The following NRCAM variants were observed in gnomAD, a reference collection of about 807,000 sequenced individuals.
NRCAM encodes the protein NgCAM-related cell adhesion molecule.
NRCAM carries 83 observed loss-of-function variants against 156.5 expected under a neutral mutation model. That is an observed-to-expected ratio of 0.53 (90% confidence interval 0.44 to 0.64). NRCAM has a LOEUF of 0.64. NRCAM is among the 30% of genes least tolerant of loss of function. The pLI is 0.00. For synonymous variants in NRCAM, 538 were observed against 563.9 expected (o/e 0.95, Z 0.65); for missense variants, 1,417 against 1,597.3 (o/e 0.89, Z 1.92).
intron 3 of NRCAM, among the ~76,000 whole-genome samples, chr7:108,309,813 C>T (rs972514851): frequency 5.9e-5 from 9 of 152,174 alleles, no homozygotes; most frequent in South Asian, 2.1e-4. Flanking sequence ...GCAGAGATCG[C>T]GCCATTGCAC....
At chr7:108,292,835 C>G (rs541568024) in intron 3 of NRCAM, among the ~76,000 whole-genome samples, 2 of 152,148 alleles carry the variant, frequency 1.3e-5, no homozygotes, top group Admixed American at 6.6e-5. Context: ...GTTATTTTAA[C>G]TGGCGTAAAA....
intron 4 of NRCAM, among the ~76,000 whole-genome samples, chr7:108,238,403 G>A (rs186078026): frequency 3.0e-4 from 46 of 152,284 alleles, no homozygotes; most frequent in African/African-American, 1.0e-3. Context: ...GTAGAGAAAC[G>A]ATGTAAGAAA....
intron 2 of NRCAM, among the ~76,000 whole-genome samples, chr7:108,367,766 G>C (rs542400851): frequency 1.1e-3 from 160 of 152,272 alleles, no homozygotes; most frequent in East Asian, 1.5e-3. Flanking sequence ...TTAAGAAAAA[G>C]TGCTTATACA....
intron 3 of NRCAM, among the ~76,000 whole-genome samples, chr7:108,255,625 C>G (rs2096599699): frequency 6.6e-6 from 1 of 151,936 alleles, no homozygotes; most frequent in Admixed American, 6.5e-5. Context: ...GCCTGGCTGC[C>G]CATCGTCTGG....
chr7:108,273,165 G>A (rs1217200801), intron 3 of NRCAM, among the ~76,000 whole-genome samples: 1 of 152,126 alleles, frequency 6.6e-6, no homozygotes, highest in Non-Finnish European at 1.5e-5. Context: ...CATTTGGGTT[G>A]GTTCCAAGTC....
intron 3 of NRCAM, among the ~76,000 whole-genome samples, chr7:108,289,119 T>C (rs1425431022): frequency 6.6e-6 from 1 of 151,852 alleles, no homozygotes; most frequent in Non-Finnish European, 1.5e-5. Context: ...ATTGGAAGAG[T>C]TGAAATAGTA....
At chr7:108,318,479 G>A (rs1431815234) in intron 2 of NRCAM, among the ~76,000 whole-genome samples, 1 of 152,206 alleles carries the variant, frequency 6.6e-6, no homozygotes, top group Non-Finnish European at 1.5e-5. Flanking sequence ...ACATTGTGAG[G>A]CTGTTAGATT....
intron 1 of NRCAM, among the ~76,000 whole-genome samples, chr7:108,413,914 T>C (rs1798407483): frequency 6.6e-6 from 1 of 152,164 alleles, no homozygotes; most frequent in South Asian, 2.1e-4. Context: ...TCAGCCTCTC[T>C]GTAGCTGATG....
At chr7:108,159,307 T>G (rs1319400739) in intron 32 of NRCAM, 156 bp downstream of exon 32, 1 of 765,732 alleles carries the variant, frequency 1.3e-6, no homozygotes, top group Admixed American at 1.8e-5. Context: ...TGTTTGACCA[T>G]GAGGGACATG....
At chr7:108,188,913 G>A (rs2069147885) in intron 20 of NRCAM, among the ~76,000 whole-genome samples, 1 of 150,516 alleles carries the variant, frequency 6.6e-6, no homozygotes, top group Admixed American at 6.7e-5. Context: ...TCTTCCTGCG[G>A]TATATGCCTG....
chr7:108,213,610 G>T (rs553464054), intron 11 of NRCAM, among the ~76,000 whole-genome samples: 1 of 152,224 alleles, frequency 6.6e-6, no homozygotes, highest in Admixed American at 6.5e-5. Context: ...AAGCAAGCAG[G>T]GGTAGCTATT....
intron 8 of NRCAM, among the ~76,000 whole-genome samples, chr7:108,228,960 GTAAAA>G (rs2093919259): frequency 6.6e-6 from 1 of 151,720 alleles, no homozygotes; most frequent in Non-Finnish European, 1.5e-5. Flanking sequence ...AGAACTTAAA[GTAAAA>G]TAAAAAAAAA....
rs1167512487 is a variant in NRCAM, at chr7:108,413,491, T to C, written c.-331-13898A>G. Among the ~76,000 whole-genome samples, 4 of 152,222 alleles carry C rather than the reference T, an allele frequency of 2.6e-5. No individual in the cohort carries two copies. In the East Asian group the frequency reaches 5.8e-4, roughly 22 times the overall value. On this transcript the variant is annotated intron_variant, in intron 1 of 32. Coordinates refer to ENST00000379028, the MANE Select transcript of NRCAM (RefSeq NM_001037132.4). ...ATTCCAAATAACCCTTTCCTCTTTA[T>C]AAATCCTTACCACTATAGCCTTTGA... is the stretch of plus-strand genomic sequence containing the variant.
intron 2 of NRCAM, among the ~76,000 whole-genome samples, chr7:108,353,753 G>A (rs116881444): frequency 6.6e-6 from 1 of 152,230 alleles, no homozygotes; most frequent in East Asian, 1.9e-4. Flanking sequence ...ACAATTATTT[G>A]TTGAAAGAAT....
chr7:108,180,595 C>A lies in NRCAM; in HGVS notation c.2647-168G>T, dbSNP rs572220345. The stretch of plus-strand genomic sequence containing the variant: ...GATTCTGAGGCAAGAGGAATAGAAG[C>A]CCATAGATCATGAGGGAAATTAAAT... On this transcript the variant is annotated intron_variant, in intron 24 of 32. Transcript: ENST00000379028. Among the ~76,000 whole-genome samples the A allele has an allele frequency of 2.9e-4, 44 of 152,228 alleles. No homozygotes were observed. In the South Asian group the frequency reaches 8.5e-3, roughly 29 times the overall value.
At chr7:108,227,020 C>T (rs1036365745) in intron 8 of NRCAM, among the ~76,000 whole-genome samples, 13 of 152,348 alleles carry the variant, frequency 8.5e-5, no homozygotes, top group South Asian at 4.1e-4. Context: ...TCCACCTCCT[C>T]TACAATTCTT....
At chr7:108,183,496 T>C (rs544632377) in intron 22 of NRCAM, among the ~76,000 whole-genome samples, 19 of 152,244 alleles carry the variant, frequency 1.2e-4, no homozygotes, top group African/African-American at 4.6e-4. Flanking sequence ...ACTAAAGAAG[T>C]TGACTGCTGG....
chr7:108,230,977 T>G, intron 8 of NRCAM, 54 bp downstream of exon 8: 1 of 1,414,942 alleles, frequency 7.1e-7, no homozygotes, highest in South Asian at 1.2e-5. Context: ...GTATTATGAC[T>G]GTAAACAATC....
intron 3 of NRCAM, among the ~76,000 whole-genome samples, chr7:108,291,852 C>T (rs966014415): frequency 6.6e-6 from 1 of 152,146 alleles, no homozygotes; most frequent in South Asian, 2.1e-4. Context: ...TCTGAAAGAA[C>T]ACTGTGGTGT....
Sources: allele counts gnomAD v4.1 joint callset (sites outside exome capture counted in the v4.1 genomes callset), GRCh38; gene constraint gnomAD v4.1.1; transcripts MANE v1.5; gene names NCBI Gene and HGNC (gene_info 2026-07-23, HGNC 2026-07-21).